Variants in USP50 observed in about 807,000 individuals in gnomAD.
The protein encoded by USP50 is ubiquitin specific peptidase 50.
A neutral mutation model predicts 39.2 loss-of-function variants in USP50; 37 were observed. The observed-to-expected ratio is 0.94, with a 90% CI of 0.73 to 1.24. USP50 has a LOEUF of 1.24. Among genes scored for constraint, USP50 ranks in the 50% most tolerant of loss-of-function variants. The pLI is 0.00. For synonymous variants in USP50, 139 were observed against 144.5 expected (o/e 0.96, Z 0.27); for missense variants, 374 against 398.2 (o/e 0.94, Z 0.52).
At position 50,529,845 on chromosome 15, in the gene USP50, A is replaced by C. The variant is rs753961156; in HGVS notation, c.888T>G (p.Ile296Met). ...TAGGATATTTCCGGAAAATTGAGCA[A>C]ATATAAGGAGTGAGGTCCAAGTTAG... ...PLTNLDLTPYICSIFRKYPKY... is the reference protein window; with the variant it reads ...PLTNLDLTPYMCSIFRKYPKY... Residue 296 changes from isoleucine (I) to methionine (M), a missense_variant, in exon 6 of 7, where the codon ATT becomes ATG. Coordinates refer to ENST00000532404, the MANE Select transcript of USP50 (RefSeq NM_203494.5). 5.0e-6 allele frequency: 8 copies of C among 1,613,940 alleles called. No homozygotes were observed. The highest frequency in any genetic ancestry group is 6.8e-6 in the Non-Finnish European group (8 of 1,179,872).
chr15:50,543,199 T>C (rs1244080956), intron 3 of USP50, among the ~76,000 whole-genome samples: 1 of 152,180 alleles, frequency 6.6e-6, no homozygotes, highest in Non-Finnish European at 1.5e-5. Flanking sequence ...AGCTATAAAG[T>C]TCTATATGTT....
At chr15:50,525,145 T>C (rs1162564103) in intron 6 of USP50, among the ~76,000 whole-genome samples, 1 of 152,168 alleles carries the variant, frequency 6.6e-6, no homozygotes, top group Non-Finnish European at 1.5e-5. Flanking sequence ...CTGGAGGACA[T>C]TATGCTAAGT....
intron 1 of USP50, among the ~76,000 whole-genome samples, chr15:50,495,492 G>GT (rs199524459): frequency 0.063 from 9,403 of 149,520 alleles, 461 homozygotes; most frequent in African/African-American, 0.12. Context: ...TTGGAGGGGG[G>GT]GGTCTCACTA....
intron 6 of USP50, among the ~76,000 whole-genome samples, chr15:50,527,420 G>C (rs12915250): frequency 6.6e-6 from 1 of 151,922 alleles, no homozygotes; most frequent in South Asian, 2.1e-4. Flanking sequence ...TGTTGGTCAG[G>C]ATGGTCTCAA....
chr15:50,496,252 T>C (rs1045315716), downstream of USP50, among the ~76,000 whole-genome samples: 7 of 152,016 alleles, frequency 4.6e-5, no homozygotes, highest in Non-Finnish European at 1.0e-4. Context: ...GAGGCCGAGG[T>C]GGGCGGATCA....
intron 6 of USP50, chr15:50,505,447 T>C (rs1242637049): frequency 6.6e-6 from 1 of 152,126 alleles, no homozygotes; most frequent in Non-Finnish European, 1.5e-5. Context: ...TGAAAGTGAA[T>C]TAAAGACTTC....
At chr15:50,493,974 T>G (rs994010060), downstream of USP50, 8 of 1,317,034 alleles carry the variant, frequency 6.1e-6, no homozygotes, top group Non-Finnish European at 7.6e-6. Context: ...TGCTACAGTA[T>G]GTGAATAATT....
chr15:50,495,212 A>ACT (rs1566891191), intron 1 of USP50, among the ~76,000 whole-genome samples: 1 of 146,582 alleles, frequency 6.8e-6, no homozygotes, highest in East Asian at 2.0e-4. Context: ...ATACACACAC[A>ACT]CCTACACAAA....
At chr15:50,528,133 C>T (rs1281918683) in intron 6 of USP50, among the ~76,000 whole-genome samples, 4 of 149,184 alleles carry the variant, frequency 2.7e-5, no homozygotes, top group Non-Finnish European at 4.4e-5. Flanking sequence ...GCTTGAACTC[C>T]GGGACTCAAG....
chr15:50,509,158 A>AAT (rs2052705183), intron 6 of USP50: 1 of 150,088 alleles, frequency 6.7e-6, no homozygotes, highest in Non-Finnish European at 1.5e-5. Flanking sequence ...AAAAAAAAAA[A>AAT]AAATTACAAA....
intron 6 of USP50, among the ~76,000 whole-genome samples, chr15:50,522,849 T>C (rs920959722): frequency 1.3e-5 from 2 of 152,050 alleles, no homozygotes; most frequent in African/African-American, 4.8e-5. Flanking sequence ...GTTTTCACCA[T>C]GTTGTCCAGG....
At position 50,529,832 on chromosome 15, in the gene USP50, G is replaced by A. The variant is rs200392181; in HGVS notation, c.901C>T (p.Arg301Trp). Residue 301 changes from arginine to tryptophan, a missense_variant, in exon 6 of 7, where the codon CGG becomes TGG. Coordinates refer to ENST00000532404, the MANE Select transcript of USP50 (RefSeq NM_203494.5). Reference sequence around the variant, plus strand: ...CAGAGGTTGTATTTAGGATATTTCCGGAAAATTGAGCAAATATAAGGAGTG... The same window carrying A: ...CAGAGGTTGTATTTAGGATATTTCCAGAAAATTGAGCAAATATAAGGAGTG... ...DLTPYICSIF[R>W]KYPKYNLCAV... is the part of the protein sequence containing the mutation. 1.1e-4 allele frequency: 185 copies of A among 1,613,756 alleles called. No homozygotes were observed. Among genetic ancestry groups the A allele is most frequent in the Middle Eastern group, 9.9e-4 (6 of 6,062 alleles).
chr15:50,496,077 C>T, downstream of USP50: 1 of 1,606,918 alleles, frequency 6.2e-7, no homozygotes, highest in East Asian at 2.2e-5. Flanking sequence ...AGTAAATGTA[C>T]ATTACAGGTA....
exon 2 of USP50, chr15:50,494,073 A>G: frequency 6.2e-7 from 1 of 1,604,560 alleles, no homozygotes. Context: ...TGCACAGGTC[A>G]AATTTGTTGG....
chr15:50,545,127 T>C (rs2053061416), intron 1 of USP50, among the ~76,000 whole-genome samples: 1 of 152,078 alleles, frequency 6.6e-6, no homozygotes, highest in African/African-American at 2.4e-5. Context: ...ACCAGAACTG[T>C]GAACAAGTAC....
At chr15:50,540,916 A>G (rs2003359) in intron 4 of USP50, 133 bp downstream of exon 4, 316,094 of 708,056 alleles carry the variant, frequency 0.45, 72,054 homozygotes, top group Admixed American at 0.54. Context: ...GAGCCACCGC[A>G]CTCAGTCTAT....
chr15:50,504,509 T>A (rs1185551556), intron 6 of USP50: 2 of 152,248 alleles, frequency 1.3e-5, no homozygotes, highest in Non-Finnish European at 2.9e-5. Context: ...GGCAACAGAA[T>A]GAGACCTTGT....
At chr15:50,539,636 G>C (rs541764888) in intron 4 of USP50, among the ~76,000 whole-genome samples, 1 of 150,960 alleles carries the variant, frequency 6.6e-6, no homozygotes, top group Non-Finnish European at 1.5e-5. Context: ...GGATAGTCTC[G>C]ATCTCTTGAT....
exon 2 of USP50, chr15:50,494,112 T>C: frequency 1.2e-6 from 2 of 1,610,386 alleles, no homozygotes; most frequent in East Asian, 4.5e-5. Context: ...CAGAAGAATT[T>C]GGTATAATCA....
Sources: gnomAD v4.1 joint callset for allele counts (sites outside exome capture counted in the v4.1 genomes callset) on GRCh38, gnomAD v4.1.1 for gene constraint, MANE v1.5 for transcripts, NCBI Gene and HGNC (gene_info 2026-07-23, HGNC 2026-07-21) for gene names.